The following DOK3 variants were observed in gnomAD, a reference collection of about 807,000 sequenced individuals.
The protein encoded by DOK3 is Dok-like protein.
In DOK3, 23 loss-of-function variants were observed where a neutral mutation model predicts 26.2. The observed-to-expected ratio is 0.88, with a 90% CI of 0.63 to 1.24. The LOEUF (loss-of-function observed/expected upper bound fraction) is 1.24. Ranked by LOEUF, DOK3 falls within the 50% of genes most tolerant of loss-of-function variation. DOK3 has a pLI of 0.00. For synonymous variants in DOK3, 268 were observed against 268.2 expected (o/e 1.00, Z 0.01); for missense variants, 619 against 610.6 (o/e 1.01, Z -0.15).
rs1420235175 is a variant in DOK3 at position 177,504,415 on chromosome 5, C to A, written c.891G>T (p.Arg297Ser). Reference sequence around the variant, plus strand: ...GTCCGGGCTCGGCCAGGTGCATTTTCCTGGACGTGGGTGGCTCAGGTCCTG... The same window carrying A: ...GTCCGGGCTCGGCCAGGTGCATTTTACTGGACGTGGGTGGCTCAGGTCCTG... The part of the protein sequence containing the change: ...MPPGPEPPTS[R>S]KMHLAEPGPQ... Residue 297 changes from arginine (R) to serine (S), a missense_variant, in exon 6 of 6, where the codon AGG (arginine) becomes AGT (serine). Arg to Ser is a moderately radical substitution (Grantham distance 110). Transcript: ENST00000510898. 1 of 1,569,348 alleles carries A rather than the reference C, an allele frequency of 6.4e-7. No homozygotes were observed. The highest frequency in any genetic ancestry group is 8.6e-7 in the Non-Finnish European group (1 of 1,157,408).
intron 3 of DOK3, among the ~76,000 whole-genome samples, chr5:177,506,019 T>C (rs1390157713): frequency 2.0e-5 from 3 of 147,868 alleles, no homozygotes; most frequent in Non-Finnish European, 4.5e-5. Flanking sequence ...ATTACAGGCA[T>C]GAGCCACCGC....
Position 177,503,951 on chromosome 5 carries a change from C to T in DOK3, c.*32G>A, listed in dbSNP as rs1163183076. The T allele has an allele frequency of 2.0e-6, 3 of 1,507,914 alleles. No individual in the cohort carries two copies. In the East Asian group the frequency reaches 7.4e-5, roughly 37 times the overall value. 93.4% of individuals were successfully genotyped at this position (1,507,914 alleles called of 1,614,324 possible). ...CACCCTCCTGTCCCAGGGGGAGCAC[C>T]TCTCCCCTCTGGCCACCACTCTGCT... On this transcript the variant is annotated 3_prime_UTR_variant, in exon 6 of 6. Coordinates refer to ENST00000510898, the MANE Select transcript of DOK3 (RefSeq NM_001308236.3).
chr5:177,503,595 G>T lies in DOK3; in HGVS notation c.*388C>A, dbSNP rs1340547022. On this transcript the variant is annotated 3_prime_UTR_variant, in exon 6 of 6. Coordinates refer to ENST00000510898, the MANE Select transcript of DOK3 (RefSeq NM_001308236.3). ...GCCTGCCTCTTCGTGTCACTCGGCC[G>T]TGCAGAGCAACATGGAGTCCTAATG... 1.6e-6 allele frequency: 2 copies of T among 1,286,552 alleles called. No individual in the cohort carries two copies. Among genetic ancestry groups the T allele is most frequent in the Non-Finnish European group, 2.1e-6 (2 of 969,006 alleles). 79.7% of individuals were successfully genotyped at this position (1,286,552 alleles called of 1,614,324 possible).
At chr5:177,508,656 C>CTGAGAAA in intron 2 of DOK3, 114 bp from the exon 3 acceptor site, 1 of 1,233,384 alleles carries the variant, frequency 8.1e-7, no homozygotes, top group Non-Finnish European at 1.1e-6. Context: ...CCTCTGCTCC[C>CTGAGAAA]CAGTTTCTCA....
chr5:177,506,274 G>T (rs1482380108), intron 3 of DOK3, among the ~76,000 whole-genome samples: 1 of 150,340 alleles, frequency 6.7e-6, no homozygotes, highest in African/African-American at 2.5e-5. Flanking sequence ...TTTGTTTTTT[G>T]ATTTTTAAAA....
Position 177,502,915 on chromosome 5 carries a change from C to A in DOK3, c.*1068G>T, listed in dbSNP as rs1759493733. 1.3e-6 allele frequency: 1 copy of A among 776,194 alleles called. No individual in the cohort carries two copies. The highest frequency in any genetic ancestry group is 2.0e-6 in the Non-Finnish European group (1 of 493,872). The allele number at this position is 776,194 out of a possible 1,614,324, so 48.1% of individuals were successfully genotyped here. A position where few individuals can be genotyped will look rare whatever the true frequency, so the allele number is the denominator to read the frequency against. On this transcript the variant is annotated 3_prime_UTR_variant, in exon 6 of 6. Coordinates refer to ENST00000510898, the MANE Select transcript of DOK3 (RefSeq NM_001308236.3). ...TCGAAGAGCCAGAAAAGGGTCCCTG[C>A]AGGTCGACATGCCTAGGCAGGGGCG...
chr5:177,509,892 G>A (rs775067568), upstream of DOK3: 21 of 1,605,210 alleles, frequency 1.3e-5, no homozygotes, highest in East Asian at 2.2e-5. Flanking sequence ...GGGCAGCTGC[G>A]CACCCTGGGC....
upstream of DOK3, chr5:177,509,840 C>T: frequency 6.2e-7 from 1 of 1,611,058 alleles, no homozygotes; most frequent in Middle Eastern, 2.2e-4. Context: ...CGCAGTCTGG[C>T]TCCCCGAGTC....
chr5:177,503,362 G>T lies in DOK3; in HGVS notation c.*621C>A, dbSNP rs1169207588. 2.6e-6 allele frequency: 4 copies of T among 1,543,674 alleles called. No individual in the cohort carries two copies. The African/African-American group carries it at 5.5e-5, about 21-fold the overall frequency. On this transcript the variant is annotated 3_prime_UTR_variant, in exon 6 of 6. Transcript: ENST00000510898. ...TCGGTTCTCTCTCCTTTACAGATGA[G>T]GAGACTGACGCCTGGGGTTCCCAGA... is the stretch of plus-strand genomic sequence containing the variant.
In DOK3 at chr5:177,502,955, A is replaced by G; in HGVS notation, c.*1028T>C. ...AGGCAGGGGCGGTACTGGCCGCACT[A>G]AAGGAAGTGAGCTGGAAGGAGGTGG... On this transcript the variant is annotated 3_prime_UTR_variant, in exon 6 of 6. Transcript: ENST00000510898. 8.3e-7 allele frequency: 1 copy of G among 1,211,782 alleles called. No homozygotes were observed. Among genetic ancestry groups the G allele is most frequent in the Non-Finnish European group, 1.1e-6 (1 of 876,844 alleles). 75.1% of individuals were successfully genotyped at this position (1,211,782 alleles called of 1,614,324 possible).
In DOK3 at chr5:177,504,296, C is replaced by T. The variant is rs1194998427; in HGVS notation, c.1010G>A (p.Gly337Asp). ...CAGGTTCTCATAGAGGTGCTCATTGCCTGGGGGCCCACTGGCACGCTTGCA... is the reference window on the plus strand; with the variant it reads ...CAGGTTCTCATAGAGGTGCTCATTGTCTGGGGGCCCACTGGCACGCTTGCA... ...SVCKRASGPP[G>D]NEHLYENLCV... Residue 337 changes from glycine to aspartate, a missense_variant, in exon 6 of 6, where the codon GGC becomes GAC. Coordinates refer to ENST00000510898, the MANE Select transcript of DOK3 (RefSeq NM_001308236.3). 1.2e-6 allele frequency: 2 copies of T among 1,606,636 alleles called. No homozygotes were observed.
chr5:177,503,516 G>T lies in DOK3; in HGVS notation c.*467C>A. 1.4e-6 allele frequency: 2 copies of T among 1,434,650 alleles called. No individual in the cohort carries two copies. The highest frequency in any genetic ancestry group is 1.8e-6 in the Non-Finnish European group (2 of 1,095,716). 88.9% of individuals were successfully genotyped at this position (1,434,650 alleles called of 1,614,324 possible). On this transcript the variant is annotated 3_prime_UTR_variant, in exon 6 of 6. Coordinates refer to ENST00000510898, the MANE Select transcript of DOK3 (RefSeq NM_001308236.3). ...GCTCGGGCCTCCGGGTCTCCAGTTGGGCCCTCATGTTGCTCCTTCCTGAGT... is the reference window on the plus strand; with the variant it reads ...GCTCGGGCCTCCGGGTCTCCAGTTGTGCCCTCATGTTGCTCCTTCCTGAGT...
chr5:177,508,037 G>A (rs1011697210), intron 3 of DOK3, among the ~76,000 whole-genome samples, 200 bp downstream of exon 3: 22 of 152,128 alleles, frequency 1.4e-4, no homozygotes, highest in African/African-American at 3.6e-4. Flanking sequence ...CCTGCCCGTC[G>A]CTCCCTCACT....
chr5:177,510,118 C>G (rs746325316), upstream of DOK3: 1 of 591,074 alleles, frequency 1.7e-6, no homozygotes, highest in East Asian at 2.8e-5. Context: ...CACTGGGCCT[C>G]CATGCAGCAC....
In DOK3 at chr5:177,504,802, C is replaced by T. The variant is rs777161316; in HGVS notation, c.586G>A (p.Gly196Ser). The change falls in exon 5 of 6, where the codon GGC becomes AGC. Residue 196 changes from glycine (G) to serine (S), a missense_variant. Transcript: ENST00000510898. ...GGCCAGCTGTAGAGGGCCTGGGTGC[C>T]CTTGGCCTCCCTCAGCTGGATGGCG... is the stretch of plus-strand genomic sequence containing the variant. ...PDAIQLREAK[G>S]TQALYSWPYH... 1 of 1,613,976 alleles carries T rather than the reference C, an allele frequency of 6.2e-7. No homozygotes were observed. The highest frequency in any genetic ancestry group is 2.2e-5 in the East Asian group (1 of 44,874).
intron 3 of DOK3, among the ~76,000 whole-genome samples, chr5:177,505,490 G>A (rs1490374780): frequency 6.6e-6 from 1 of 152,080 alleles, no homozygotes; most frequent in East Asian, 1.9e-4. Flanking sequence ...ACCCTGCAAG[G>A]TGCCCCCAAT....
intron 2 of DOK3, chr5:177,508,772 T>C (rs1760581840): frequency 6.6e-6 from 3 of 451,940 alleles, no homozygotes; most frequent in Non-Finnish European, 1.2e-5. Flanking sequence ...ATCAATGTCG[T>C]CTCTCAAAAG....
chr5:177,504,143 G>T lies in DOK3; in HGVS notation c.1163C>A (p.Ala388Asp). Residue 388 changes from alanine (A) to aspartate (D), a missense_variant, in exon 6 of 6, where the codon GCC becomes GAC. Physicochemically the swap from Ala to Asp is moderately radical, Grantham distance 126 (BLOSUM62 -2). Transcript: ENST00000510898. ...CTGGGCCTCCAGGGTACTGTCGTTG[G>T]CCGGGCCGGGCCAGCTCAAGTCCTG... ...NGQDLSWPGP[A>D]NDSTLEAQYR... 2.5e-6 allele frequency: 4 copies of T among 1,613,884 alleles called. No homozygotes were observed. The highest frequency in any genetic ancestry group is 3.4e-6 in the Non-Finnish European group (4 of 1,179,896).
In DOK3 at chr5:177,502,921, G is replaced by A. The variant is rs1402592693; in HGVS notation, c.*1062C>T. 2.0e-5 allele frequency: 17 copies of A among 853,922 alleles called. No individual in the cohort carries two copies. Among genetic ancestry groups the A allele is most frequent in the African/African-American group, 1.5e-4 (9 of 58,368 alleles). 52.9% of individuals were successfully genotyped at this position (853,922 alleles called of 1,614,324 possible). On this transcript the variant is annotated 3_prime_UTR_variant, in exon 6 of 6. Transcript: ENST00000510898. ...AGCCAGAAAAGGGTCCCTGCAGGTCGACATGCCTAGGCAGGGGCGGTACTG... is the reference window on the plus strand; with the variant it reads ...AGCCAGAAAAGGGTCCCTGCAGGTCAACATGCCTAGGCAGGGGCGGTACTG...
Sources: allele counts gnomAD v4.1 joint callset (sites outside exome capture counted in the v4.1 genomes callset), GRCh38; gene constraint gnomAD v4.1.1; transcripts MANE v1.5; gene names NCBI Gene and HGNC (gene_info 2026-07-23, HGNC 2026-07-21).